The following DENND2B variants were observed in gnomAD, a reference collection of about 807,000 sequenced individuals.
DENND2B encodes the protein DENN domain containing 2B.
Under a neutral mutation model 116.0 loss-of-function variants are expected in DENND2B, and 32 were observed. The ratio of observed to expected loss-of-function variants is 0.28; its 90% CI spans 0.21 to 0.37. The LOEUF is 0.37. Ranked by LOEUF, DENND2B falls within the 10% of genes least tolerant of loss-of-function variation. DENND2B has a pLI of 1.00. For synonymous variants in DENND2B, 588 were observed against 583.9 expected (o/e 1.01, Z -0.10); for missense variants, 1,276 against 1,477.7 (o/e 0.86, Z 2.24).
intron 4 of DENND2B, among the ~76,000 whole-genome samples, chr11:8,825,452 G>A (rs964227604): frequency 2.0e-5 from 3 of 151,944 alleles, no homozygotes; most frequent in Middle Eastern, 3.4e-3. Flanking sequence ...TCAGTGTGCT[G>A]TTGAATTCTA....
At chr11:8,816,726 C>T (rs1371665062) in intron 4 of DENND2B, among the ~76,000 whole-genome samples, 1 of 152,170 alleles carries the variant, frequency 6.6e-6, no homozygotes, top group Non-Finnish European at 1.5e-5. Flanking sequence ...GAGTAGACAG[C>T]TAGCAGGCTG....
At chr11:8,701,930 C>A (rs2041770169) in intron 14 of DENND2B, among the ~76,000 whole-genome samples, 1 of 152,124 alleles carries the variant, frequency 6.6e-6, no homozygotes, top group African/African-American at 2.4e-5. Flanking sequence ...TCCCCGACTT[C>A]CCTGGCACCT....
chr11:8,776,158 G>GCACACA lies in DENND2B; in HGVS notation c.-25-25434_-25-25433insTGTGTG, dbSNP rs756959704. 682 of 338,406 alleles carry GCACACA rather than the reference G, an allele frequency of 2.0e-3. 3 individuals carry two copies. Among genetic ancestry groups the GCACACA allele is most frequent in the East Asian group, 7.5e-3 (78 of 10,396 alleles). The allele number at this position is 338,406 out of a possible 1,614,324, so 21.0% of individuals were successfully genotyped here. A position where few individuals can be genotyped will look rare whatever the true frequency, so the allele number is the denominator to read the frequency against. On this transcript the variant is annotated intron_variant, in intron 1 of 19. Coordinates refer to ENST00000313726, the MANE Select transcript of DENND2B (RefSeq NM_213618.2). The stretch of plus-strand genomic sequence containing the variant: ...CACGCACGTGCGCGCACGCGCGCGC[G>GCACACA]CGCACACACACACACACACACACAC...
chr11:8,696,289 G>A, intron 18 of DENND2B, 138 bp downstream of exon 18: 1 of 1,306,880 alleles, frequency 7.7e-7, no homozygotes, highest in Non-Finnish European at 1.1e-6. Context: ...ATGCTACCTT[G>A]AAGTTTCTAA....
intron 2 of DENND2B, among the ~76,000 whole-genome samples, chr11:8,860,050 G>C (rs1159256135): frequency 6.6e-6 from 1 of 152,122 alleles, no homozygotes; most frequent in African/African-American, 2.4e-5. Context: ...GAAGAAAAGA[G>C]GGAAAGAAAA....
chr11:8,708,476 A>G, intron 11 of DENND2B: 1 of 397,046 alleles, frequency 2.5e-6, no homozygotes, highest in Non-Finnish European at 3.4e-6. Flanking sequence ...AACTGAGTTC[A>G]AAAAGATAAA....
chr11:8,808,675 T>A (rs2061099379), intron 1 of DENND2B: 1 of 152,206 alleles, frequency 6.6e-6, no homozygotes, highest in African/African-American at 2.4e-5. Flanking sequence ...CAAGCTTCAA[T>A]TCACAACACG....
intron 1 of DENND2B, among the ~76,000 whole-genome samples, chr11:8,772,254 TAGTA>T (rs1372205866): frequency 2.6e-5 from 4 of 152,086 alleles, no homozygotes; most frequent in Non-Finnish European, 4.4e-5. Flanking sequence ...GTAGGGTTAA[TAGTA>T]AGTCAACTGT....
chr11:8,845,795 C>T (rs11042099), intron 3 of DENND2B, among the ~76,000 whole-genome samples: 32,296 of 152,024 alleles, frequency 0.21, 4,020 homozygotes, highest in Middle Eastern at 0.37. Context: ...CCTCTCCCAC[C>T]AAAACAGTGG....
intron 2 of DENND2B, among the ~76,000 whole-genome samples, chr11:8,866,993 AC>A (rs146037484): frequency 0.038 from 5,861 of 152,242 alleles, 300 homozygotes; most frequent in African/African-American, 0.12. Flanking sequence ...TTGACAAAAA[AC>A]CATGGGTGAC....
chr11:8,880,603 A>T (rs1158381354), intron 2 of DENND2B, among the ~76,000 whole-genome samples: 1 of 152,204 alleles, frequency 6.6e-6, no homozygotes, highest in Admixed American at 6.5e-5. Flanking sequence ...TAAAATTGAC[A>T]AGCCTTGAAG....
At position 8,695,475 on chromosome 11, in the gene DENND2B, G is replaced by A; in HGVS notation, c.3367C>T (p.Leu1123Phe). 6.2e-7 allele frequency: 1 copy of A among 1,613,862 alleles called. No individual in the cohort carries two copies. Among genetic ancestry groups the A allele is most frequent in the Non-Finnish European group, 8.5e-7 (1 of 1,180,010 alleles). Residue 1123 changes from leucine (L) to phenylalanine (F), a missense_variant, in exon 19 of 20, where the codon CTC (leucine) becomes TTC (phenylalanine). Coordinates refer to ENST00000313726, the MANE Select transcript of DENND2B (RefSeq NM_213618.2). ...CAAGGCCACTTACCCAAACCTCGGA[G>A]AAACTTATTCATTCCACTCTGCTCA... The part of the protein sequence containing the change: ...DTEQSGMNKF[L>F]RGLGNKMKFL...
intron 1 of DENND2B, among the ~76,000 whole-genome samples, chr11:8,893,867 C>T (rs1213429538): frequency 7.9e-5 from 12 of 152,108 alleles, no homozygotes; most frequent in South Asian, 2.1e-4. Flanking sequence ...AAGCTACCAA[C>T]GACTTTCTTC....
intron 2 of DENND2B, among the ~76,000 whole-genome samples, chr11:8,749,220 T>C (rs549880486): frequency 6.6e-6 from 1 of 152,306 alleles, no homozygotes; most frequent in African/African-American, 2.4e-5. Flanking sequence ...CCTTGACTTG[T>C]TTCTACCTTG....
At chr11:8,713,533 C>T (rs545816968) in intron 8 of DENND2B, among the ~76,000 whole-genome samples, 99 of 152,288 alleles carry the variant, frequency 6.5e-4, no homozygotes, top group African/African-American at 2.3e-3. Context: ...GCGCCCGCCA[C>T]CGTGCCTGGC....
At chr11:8,824,904 G>C (rs12184434) in intron 4 of DENND2B, among the ~76,000 whole-genome samples, 1 of 131,688 alleles carries the variant, frequency 7.6e-6, no homozygotes, top group East Asian at 2.2e-4. Flanking sequence ...TCGCCATGTT[G>C]GCCAGGCTGG....
At position 8,693,996 on chromosome 11, in the gene DENND2B, G is replaced by T. The variant is rs532984050; in HGVS notation, c.*100C>A. On this transcript the variant is annotated 3_prime_UTR_variant, in exon 20 of 20. Coordinates refer to ENST00000313726, the MANE Select transcript of DENND2B (RefSeq NM_213618.2). ...GCTGGCTTGGAGGATAGGATCTGTG[G>T]GGGCAGAGGAGCCACAGCAGCCCAG... The T allele has an allele frequency of 5.4e-6, 7 of 1,299,036 alleles. No individual in the cohort carries two copies. The highest frequency in any genetic ancestry group is 2.9e-5 in the African/African-American group (2 of 68,054). The allele number at this position is 1,299,036 out of a possible 1,614,324, so 80.5% of individuals were successfully genotyped here.
chr11:8,743,940 G>A (rs887627870), intron 2 of DENND2B, among the ~76,000 whole-genome samples: 1 of 151,402 alleles, frequency 6.6e-6, no homozygotes, highest in African/African-American at 2.4e-5. Flanking sequence ...ATGGGGGCGG[G>A]GTCTCACTAT....
intron 3 of DENND2B, among the ~76,000 whole-genome samples, chr11:8,852,825 CT>C: frequency 6.6e-6 from 1 of 152,296 alleles, no homozygotes; most frequent in South Asian, 2.1e-4. Context: ...AAGCTGCATT[CT>C]GGCAAAAGAG....
Sources: allele counts gnomAD v4.1 joint callset (sites outside exome capture counted in the v4.1 genomes callset), GRCh38; gene constraint gnomAD v4.1.1; transcripts MANE v1.5; gene names NCBI Gene and HGNC (gene_info 2026-07-23, HGNC 2026-07-21).